Variants in SNAP23 observed in about 807,000 individuals in gnomAD.
SNAP23 encodes synaptosomal-associated protein 23.
In SNAP23, 11 loss-of-function variants were observed where a neutral mutation model predicts 29.0. The observed-to-expected ratio is 0.38, with a 90% CI of 0.24 to 0.63. SNAP23 has a LOEUF of 0.63. Among genes scored for constraint, SNAP23 ranks in the 20% least tolerant of loss-of-function variants. The probability of loss-of-function intolerance (pLI) is 0.58; values close to 1 mark genes in which losing one functional copy is unlikely to be tolerated. For missense variants in SNAP23, 220 were observed against 253.9 expected (o/e 0.87, Z 0.91); for synonymous variants, 60 against 82.9 (o/e 0.72, Z 1.50).
At chr15:42,510,609 A>G (rs1366520160) in intron 1 of SNAP23, among the ~76,000 whole-genome samples, 2 of 152,150 alleles carry the variant, frequency 1.3e-5, no homozygotes, top group African/African-American at 4.8e-5. Context: ...TTATTTGTTC[A>G]TTCAGCTATT....
chr15:42,525,367 C>CA (rs1208171591), intron 5 of SNAP23, among the ~76,000 whole-genome samples: 6,192 of 60,268 alleles, frequency 0.1, 644 homozygotes, highest in African/African-American at 0.29. Context: ...GACTCCGTCT[C>CA]AAAAAAAAAA....
intron 1 of SNAP23, among the ~76,000 whole-genome samples, chr15:42,503,016 T>C (rs1254538360): frequency 6.6e-6 from 1 of 152,150 alleles, no homozygotes; most frequent in Non-Finnish European, 1.5e-5. Context: ...TTTAAACTCC[T>C]GGGCTCAGGT....
At chr15:42,528,143 C>T (rs1420328370) in intron 5 of SNAP23, 119 bp from the exon 6 acceptor site, 15 of 624,700 alleles carry the variant, frequency 2.4e-5, no homozygotes, top group Non-Finnish European at 3.7e-5. Context: ...CTAGACTTAG[C>T]TGTATGCAGC....
chr15:42,510,736 G>T (rs1297865931), intron 1 of SNAP23, among the ~76,000 whole-genome samples: 2 of 152,168 alleles, frequency 1.3e-5, no homozygotes, highest in African/African-American at 2.4e-5. Context: ...GCTTATCAAA[G>T]AGTATATCCA....
chr15:42,506,196 C>T (rs1057410308), intron 1 of SNAP23, among the ~76,000 whole-genome samples: 1 of 151,448 alleles, frequency 6.6e-6, no homozygotes, highest in South Asian at 2.1e-4. Flanking sequence ...CCGCCAACCT[C>T]GGCCTCCCAA....
At chr15:42,516,124 C>T (rs937355993) in intron 5 of SNAP23, among the ~76,000 whole-genome samples, 9 of 152,140 alleles carry the variant, frequency 5.9e-5, no homozygotes, top group East Asian at 1.9e-4. Flanking sequence ...TAAAAAGAAA[C>T]GACAGTATCT....
intron 3 of SNAP23, 126 bp from the exon 4 acceptor site, chr15:42,513,273 C>A: frequency 2.3e-6 from 2 of 879,750 alleles, no homozygotes; most frequent in Non-Finnish European, 3.9e-6. Flanking sequence ...AATACTAGTT[C>A]TGTCTGTAGC....
chr15:42,528,341 T>C lies in SNAP23; in HGVS notation c.346T>C (p.Ser116Pro). The C allele has an allele frequency of 1.9e-6, 3 of 1,614,078 alleles. No individual in the cohort carries two copies. Among genetic ancestry groups the C allele is most frequent in the Non-Finnish European group, 1.7e-6 (2 of 1,180,022 alleles). ...GGENSPCNVV[S>P]KQPGPVTNGQ... ...AGAAAACTCACCTTGCAATGTAGTATCTAAACAGCCAGGCCCGGTGACAAA... is the reference window on the plus strand; with the variant it reads ...AGAAAACTCACCTTGCAATGTAGTACCTAAACAGCCAGGCCCGGTGACAAA... The change falls in exon 6 of 8, where the codon TCT becomes CCT. Residue 116 changes from serine to proline, a missense_variant. Coordinates refer to ENST00000249647, the MANE Select transcript of SNAP23 (RefSeq NM_003825.4).
chr15:42,509,064 C>G (rs1408073965), intron 1 of SNAP23, among the ~76,000 whole-genome samples: 2 of 152,054 alleles, frequency 1.3e-5, no homozygotes, highest in Non-Finnish European at 2.9e-5. Context: ...GATGGAAAAG[C>G]ATGAGGCTAC....
Position 42,532,704 on chromosome 15 carries a change from G to A in SNAP23, c.*1226G>A, listed in dbSNP as rs959811578. The A allele has an allele frequency of 6.6e-6, 1 of 152,652 alleles. No homozygotes were observed. The highest frequency in any genetic ancestry group is 1.5e-5 in the Non-Finnish European group (1 of 68,032). The allele number at this position is 152,652 out of a possible 1,614,324, so 9.5% of individuals were successfully genotyped here. A position where few individuals can be genotyped will look rare whatever the true frequency, so the allele number is the denominator to read the frequency against. The stretch of plus-strand genomic sequence containing the variant: ...GATTTACCTCAATGCTAAGAATTAT[G>A]TTTAGTTAGGAAAAAGGAAAGTCAT... On this transcript the variant is annotated 3_prime_UTR_variant, in exon 8 of 8. Transcript: ENST00000249647.
At chr15:42,522,549 T>C (rs2057457451) in intron 5 of SNAP23, among the ~76,000 whole-genome samples, 1 of 152,008 alleles carries the variant, frequency 6.6e-6, no homozygotes, top group African/African-American at 2.4e-5. Flanking sequence ...TTTCTTCTTT[T>C]CTTAGTTTGA....
chr15:42,492,198 A>G (rs1595508670), upstream of SNAP23, among the ~76,000 whole-genome samples: 1 of 152,104 alleles, frequency 6.6e-6, no homozygotes, highest in Non-Finnish European at 1.5e-5. Flanking sequence ...GGTGTGAGCC[A>G]CCGCGCCCGG....
At chr15:42,496,577 C>G (rs7172955) in intron 1 of SNAP23, among the ~76,000 whole-genome samples, 7,184 of 151,958 alleles carry the variant, frequency 0.047, 566 homozygotes, top group African/African-American at 0.16. Context: ...ATTAGCCAGG[C>G]GTGGTGGTAT....
intron 7 of SNAP23, among the ~76,000 whole-genome samples, chr15:42,530,760 G>GA (rs2057557827): frequency 6.6e-6 from 1 of 151,938 alleles, no homozygotes. Context: ...AAAAAGAAAG[G>GA]AAAAAAAGAA....
chr15:42,515,187 T>C, intron 4 of SNAP23, 50 bp from the exon 5 acceptor site: 4 of 1,142,488 alleles, frequency 3.5e-6, no homozygotes, highest in South Asian at 1.4e-5. Context: ...CATTTTCTGG[T>C]TGACACTGTG....
chr15:42,529,897 G>A, intron 7 of SNAP23, 78 bp downstream of exon 7: 1 of 1,471,000 alleles, frequency 6.8e-7, no homozygotes, highest in Non-Finnish European at 9.3e-7. Flanking sequence ...GCTAGATACT[G>A]TGGGGGACAC....
At chr15:42,501,947 T>C (rs541911146) in intron 1 of SNAP23, among the ~76,000 whole-genome samples, 1 of 152,210 alleles carries the variant, frequency 6.6e-6, no homozygotes, top group African/African-American at 2.4e-5. Flanking sequence ...CTATACTATG[T>C]TGTCTTTTGT....
At chr15:42,525,847 A>G (rs747593121) in intron 5 of SNAP23, among the ~76,000 whole-genome samples, 1 of 152,142 alleles carries the variant, frequency 6.6e-6, no homozygotes, top group Non-Finnish European at 1.5e-5. Context: ...AAAATCATTC[A>G]CATGATCATT....
chr15:42,500,351 C>CA lies in SNAP23; in HGVS notation c.-15+4639dup, dbSNP rs201177690. On this transcript the variant is annotated intron_variant, in intron 1 of 7. Coordinates refer to ENST00000249647, the MANE Select transcript of SNAP23 (RefSeq NM_003825.4). The stretch of plus-strand genomic sequence containing the variant: ...TTTTGTTTCCAGATCTGTAGGTTGA[C>CA]AGACGGGCAGATGACAAGGACTGCT... Among the ~76,000 whole-genome samples, 549 of 151,312 alleles carry CA rather than the reference C, an allele frequency of 3.6e-3. 3 individuals carry two copies. Among genetic ancestry groups the CA allele is most frequent in the African/African-American group, 0.013 (520 of 41,278 alleles).
Sources: gnomAD v4.1 joint callset for allele counts (sites outside exome capture counted in the v4.1 genomes callset) on GRCh38, gnomAD v4.1.1 for gene constraint, MANE v1.5 for transcripts, NCBI Gene and HGNC (gene_info 2026-07-23, HGNC 2026-07-21) for gene names.